The following PTCD3 variants were observed in gnomAD, a reference collection of about 807,000 sequenced individuals.
The protein encoded by PTCD3 is small ribosomal subunit protein mS39.
A neutral mutation model predicts 101.9 loss-of-function variants in PTCD3; 89 were observed. The observed-to-expected ratio is 0.87, with a 90% CI of 0.74 to 1.04. The LOEUF (loss-of-function observed/expected upper bound fraction) is 1.04. PTCD3 is among the 50% of genes least tolerant of loss of function. The pLI is 0.00. For synonymous variants in PTCD3, 296 were observed against 278.5 expected (o/e 1.06, Z -0.63); for missense variants, 870 against 828.2 (o/e 1.05, Z -0.62).
intron 6 of PTCD3, 61 bp from the exon 7 acceptor site, chr2:86,118,859 CT>C (rs1674226930): frequency 6.5e-7 from 1 of 1,548,162 alleles, no homozygotes; most frequent in Non-Finnish European, 8.7e-7. Context: ...TTTTGTCCTA[CT>C]CAGTTATCCT....
In PTCD3 at chr2:86,107,835, T is replaced by C. The variant is rs1356222318; in HGVS notation, c.105-515T>C. Among the ~76,000 whole-genome samples the C allele has an allele frequency of 2.0e-5, 3 of 152,340 alleles. No individual in the cohort carries two copies. The South Asian group carries it at 6.2e-4, about 32-fold the overall frequency. On this transcript the variant is annotated intron_variant, in intron 1 of 23. Coordinates refer to ENST00000254630, the MANE Select transcript of PTCD3 (RefSeq NM_017952.6). ...TGTATAGAAGCAAGAGCTCACTGAATTGTTCTTTTAAACATCATAGTGTTT... is the reference window on the plus strand; with the variant it reads ...TGTATAGAAGCAAGAGCTCACTGAACTGTTCTTTTAAACATCATAGTGTTT...
chr2:86,116,217 C>T (rs1674174853), intron 4 of PTCD3, among the ~76,000 whole-genome samples: 1 of 152,190 alleles, frequency 6.6e-6, no homozygotes, highest in African/African-American at 2.4e-5. Flanking sequence ...TCAAAACTCA[C>T]AAGGTCCTCT....
intron 6 of PTCD3, 43 bp downstream of exon 6, chr2:86,117,202 A>G (rs781642856): frequency 1.6e-5 from 12 of 740,284 alleles, no homozygotes; most frequent in South Asian, 3.6e-5. Context: ...ACTATTTTAA[A>G]TGTAAATTAA....
chr2:86,136,764 T>C (rs1206132219), intron 22 of PTCD3: 2 of 803,174 alleles, frequency 2.5e-6, no homozygotes, highest in East Asian at 4.9e-5. Context: ...CTACATTGAA[T>C]AGATCATCAT....
chr2:86,106,322 G>C lies in PTCD3; in HGVS notation c.75G>C (p.Ala25=). ...RLGQPLTGRR[A]GLCEQARSCR... The stretch of plus-strand genomic sequence containing the variant: ...GCCAGCCGCTGACGGGTCGGCGGGC[G>C]GGTTTGTGTGAACAGGCACGCAGCT... Residue 25 remains alanine (A), a synonymous_variant, in exon 1 of 24, where the codon GCG becomes GCC. Transcript: ENST00000254630. 2 of 1,614,042 alleles carry C rather than the reference G, an allele frequency of 1.2e-6. No homozygotes were observed. Among genetic ancestry groups the C allele is most frequent in the Non-Finnish European group, 1.7e-6 (2 of 1,179,996 alleles).
intron 14 of PTCD3, among the ~76,000 whole-genome samples, chr2:86,130,350 G>A (rs1415332287): frequency 6.6e-6 from 1 of 152,276 alleles, no homozygotes; most frequent in South Asian, 2.1e-4. Flanking sequence ...GTGAGGGAGT[G>A]TGTGTTACTG....
At chr2:86,125,683 T>G in intron 11 of PTCD3, 112 bp from the exon 12 acceptor site, 2 of 1,052,606 alleles carry the variant, frequency 1.9e-6, no homozygotes, top group Non-Finnish European at 1.4e-6. Context: ...TTTTCCAGTT[T>G]TGTGGACATG....
At chr2:86,123,664 C>A in intron 8 of PTCD3, 37 bp from the exon 9 acceptor site, 1 of 1,498,660 alleles carries the variant, frequency 6.7e-7, no homozygotes, top group South Asian at 1.3e-5. Context: ...ATTCCATTGC[C>A]TTAACTTTTA....
At position 86,127,721 on chromosome 2, in the gene PTCD3, A is replaced by C. The variant is rs1298357614; in HGVS notation, c.1097-220A>C. 8 of 553,292 alleles carry C rather than the reference A, an allele frequency of 1.4e-5. No individual in the cohort carries two copies. The African/African-American group carries it at 1.5e-4, about 10-fold the overall frequency. 34.3% of individuals were successfully genotyped at this position (553,292 alleles called of 1,614,324 possible). On this transcript the variant is annotated intron_variant, in intron 13 of 23. Transcript: ENST00000254630. Reference sequence around the variant, plus strand: ...CTGTTCTCAGTGAAGAATGTGACTAATAAGTATTTGGACTTTCAAAAAGTG... The same window carrying C: ...CTGTTCTCAGTGAAGAATGTGACTACTAAGTATTTGGACTTTCAAAAAGTG...
chr2:86,112,500 G>C (rs896113704), intron 4 of PTCD3, among the ~76,000 whole-genome samples: 19 of 151,632 alleles, frequency 1.3e-4, no homozygotes, highest in African/African-American at 4.6e-4. Flanking sequence ...GGTGAACATG[G>C]TGAAACCCTG....
intron 9 of PTCD3, 37 bp downstream of exon 9, chr2:86,123,799 T>C: frequency 1.4e-6 from 2 of 1,444,012 alleles, no homozygotes; most frequent in Non-Finnish European, 1.9e-6. Flanking sequence ...AATTACAGTG[T>C]CTTACAGTGC....
At chr2:86,110,884 T>C in intron 3 of PTCD3, 1 of 727,980 alleles carries the variant, frequency 1.4e-6, no homozygotes, top group Non-Finnish European at 2.6e-6. Context: ...GGTTATGGCA[T>C]TATGCACCAG....
intron 12 of PTCD3, among the ~76,000 whole-genome samples, chr2:86,126,102 C>T (rs977419212): frequency 2.0e-5 from 3 of 151,970 alleles, no homozygotes; most frequent in Middle Eastern, 3.4e-3. Flanking sequence ...TGGTGGTGCA[C>T]GCCTGTAATC....
chr2:86,130,655 T>A lies in PTCD3; in HGVS notation c.1155T>A (p.Pro385=), dbSNP rs1441361434. The change falls in exon 15 of 24, where the codon CCT becomes CCA. Residue 385 remains proline (P), a synonymous_variant. Transcript: ENST00000254630. ...IIRLFDQPGD[P]LKRSSFIIYD... ...TGCTTTCTTGTTCTGCAGGAGACCC[T>A]TTAAAGAGATCATCCTTCATCATTT... 9.3e-6 allele frequency: 15 copies of A among 1,612,238 alleles called. No individual in the cohort carries two copies. The highest frequency in any genetic ancestry group is 1.1e-5 in the South Asian group (1 of 90,648).
At position 86,132,420 on chromosome 2, in the gene PTCD3, T is replaced by A; in HGVS notation, c.1369T>A (p.Tyr457Asn). Reference sequence around the variant, plus strand: ...TGGACCTGATCAACATCGTAATTTCTATTAGTAAGTGTGTTGGAAACATAT... The same window carrying A: ...TGGACCTGATCAACATCGTAATTTCAATTAGTAAGTGTGTTGGAAACATAT... Reference protein sequence around the residue: ...FIGPDQHRNFYYSKFFDLICL... With the variant: ...FIGPDQHRNFNYSKFFDLICL... The change falls in exon 17 of 24, where the codon TAT becomes AAT. Residue 457 changes from tyrosine to asparagine, a missense_variant. Coordinates refer to ENST00000254630, the MANE Select transcript of PTCD3 (RefSeq NM_017952.6). 6.4e-7 allele frequency: 1 copy of A among 1,574,502 alleles called. No homozygotes were observed. Among genetic ancestry groups the A allele is most frequent in the East Asian group, 2.2e-5 (1 of 44,674 alleles).
intron 20 of PTCD3, 31 bp downstream of exon 20, chr2:86,134,408 C>T (rs1674544953): frequency 6.5e-7 from 1 of 1,539,636 alleles, no homozygotes; most frequent in African/African-American, 1.4e-5. Flanking sequence ...CCAGTATATC[C>T]TCCCATACTG....
chr2:86,134,172 A>G (rs1674538927), intron 19 of PTCD3, 120 bp from the exon 20 acceptor site: 1 of 693,238 alleles, frequency 1.4e-6, no homozygotes, highest in Non-Finnish European at 2.4e-6. Flanking sequence ...GAATCCTGGG[A>G]TAAGCCTAGA....
intron 12 of PTCD3, among the ~76,000 whole-genome samples, chr2:86,126,921 G>A (rs1049704698): frequency 3.9e-5 from 6 of 151,962 alleles, no homozygotes; most frequent in Non-Finnish European, 7.4e-5. Context: ...CTCCTAGGTA[G>A]AAGACTGAAG....
chr2:86,106,889 T>C (rs574118591), intron 1 of PTCD3, among the ~76,000 whole-genome samples: 1 of 152,340 alleles, frequency 6.6e-6, no homozygotes, highest in Admixed American at 6.5e-5. Flanking sequence ...AATTTTTTTT[T>C]CACTCAGTAC....
Sources: allele counts gnomAD v4.1 joint callset (sites outside exome capture counted in the v4.1 genomes callset), GRCh38; gene constraint gnomAD v4.1.1; transcripts MANE v1.5; gene names NCBI Gene and HGNC (gene_info 2026-07-23, HGNC 2026-07-21).